R3HDM2: variants seen among roughly 807,000 people sequenced by gnomAD.
R3HDM2 encodes R3H domain-containing protein 2.
A neutral mutation model predicts 124.5 loss-of-function variants in R3HDM2; 38 were observed. The ratio of observed to expected loss-of-function variants is 0.31; its 90% CI spans 0.24 to 0.40. R3HDM2 has a LOEUF of 0.40. R3HDM2 is among the 10% of genes least tolerant of loss of function. The pLI is 1.00. For synonymous variants in R3HDM2, 391 were observed against 448.0 expected, an observed-to-expected ratio of 0.87 and a Z score of 1.61; for missense variants, 869 against 1,236.9, an observed-to-expected ratio of 0.70 and a Z score of 4.46.
chr12:57,276,147 T>C (rs1316847964), intron 14 of R3HDM2, among the ~76,000 whole-genome samples: 1 of 150,688 alleles, frequency 6.6e-6, no homozygotes, highest in East Asian at 2.0e-4. Flanking sequence ...AACCCGGAGC[T>C]TGCAGTGAGT....
intron 14 of R3HDM2, among the ~76,000 whole-genome samples, chr12:57,278,114 T>C (rs1485792662): frequency 6.6e-6 from 1 of 152,158 alleles, no homozygotes; most frequent in African/African-American, 2.4e-5. Context: ...TTGGAGTTAG[T>C]GATCACAATT....
chr12:57,383,084 A>C (rs1329312514), intron 2 of R3HDM2, among the ~76,000 whole-genome samples: 1 of 151,654 alleles, frequency 6.6e-6, no homozygotes, highest in Admixed American at 6.6e-5. Flanking sequence ...TGAACTCCTG[A>C]CCTCAGGTGA....
intron 21 of R3HDM2, among the ~76,000 whole-genome samples, chr12:57,257,220 C>T (rs530580374): frequency 5.3e-5 from 8 of 152,266 alleles, no homozygotes; most frequent in South Asian, 2.1e-4. Context: ...AGAGCATAGT[C>T]GTGGAGCCAG....
intron 2 of R3HDM2, among the ~76,000 whole-genome samples, chr12:57,328,488 G>T (rs558505245): frequency 8.0e-4 from 121 of 151,962 alleles, no homozygotes; most frequent in African/African-American, 2.8e-3. Context: ...CTTGCTGAAG[G>T]CTCAGATGAT....
chr12:57,273,824 G>C (rs2044108471), intron 14 of R3HDM2, among the ~76,000 whole-genome samples: 1 of 152,176 alleles, frequency 6.6e-6, no homozygotes, highest in African/African-American at 2.4e-5. Context: ...CACATCTCCA[G>C]AGTTTCTTTC....
intron 2 of R3HDM2, among the ~76,000 whole-genome samples, chr12:57,387,002 G>C (rs1217078360): frequency 6.6e-6 from 1 of 152,100 alleles, no homozygotes; most frequent in African/African-American, 2.4e-5. Context: ...TCAACACTCT[G>C]TATCTAGCTA....
intron 1 of R3HDM2, 187 bp downstream of exon 1, chr12:57,430,533 C>A: frequency 7.1e-6 from 7 of 985,056 alleles, no homozygotes; most frequent in Non-Finnish European, 8.4e-6. Flanking sequence ...AGCTTCTCTC[C>A]AGCAGCGCAC....
chr12:57,403,733 C>A (rs571321024), intron 1 of R3HDM2, among the ~76,000 whole-genome samples: 88 of 151,284 alleles, frequency 5.8e-4, no homozygotes, highest in Non-Finnish European at 1.2e-3. Context: ...GAGGGAGGAT[C>A]GCCTGAGCCC....
At position 57,254,671 on chromosome 12, in the gene R3HDM2, A is replaced by C; in HGVS notation, c.*102T>G. 9.7e-7 allele frequency: 1 copy of C among 1,033,454 alleles called. No individual in the cohort carries two copies. 64.0% of individuals were successfully genotyped at this position (1,033,454 alleles called of 1,614,324 possible). A position where few individuals can be genotyped will look rare whatever the true frequency, so the allele number is the denominator to read the frequency against. On this transcript the variant is annotated 3_prime_UTR_variant, in exon 24 of 24. Transcript: ENST00000402412. Reference sequence around the variant, plus strand: ...CTGTCTTAGGTTCCAGTTTAACATCAGTTTCCTTACTTCCTGCCTCTGTCC... The same window carrying C: ...CTGTCTTAGGTTCCAGTTTAACATCCGTTTCCTTACTTCCTGCCTCTGTCC...
intron 16 of R3HDM2, 107 bp downstream of exon 16, chr12:57,269,216 A>G (rs1375415216): frequency 6.4e-7 from 1 of 1,551,028 alleles, no homozygotes; most frequent in African/African-American, 1.4e-5. Context: ...GACCCTAATC[A>G]TTCCTGCCCC....
intron 1 of R3HDM2, among the ~76,000 whole-genome samples, chr12:57,416,450 C>T (rs2069612395): frequency 6.6e-6 from 1 of 152,148 alleles, no homozygotes; most frequent in African/African-American, 2.4e-5. Flanking sequence ...GCAACATTAA[C>T]CAAAATACTT....
intron 10 of R3HDM2, 59 bp downstream of exon 10, chr12:57,295,340 C>A: frequency 8.3e-7 from 1 of 1,198,158 alleles, no homozygotes; most frequent in South Asian, 1.3e-5. Context: ...ATTCTTCTCC[C>A]TTCCCAGTTT....
intron 2 of R3HDM2, among the ~76,000 whole-genome samples, chr12:57,311,447 T>G (rs915935654): frequency 3.9e-5 from 6 of 151,966 alleles, no homozygotes; most frequent in Non-Finnish European, 7.4e-5. Flanking sequence ...AGGATGGTCT[T>G]GATCTCCTGA....
chr12:57,377,827 C>A (rs571060912), intron 2 of R3HDM2, among the ~76,000 whole-genome samples: 1 of 152,112 alleles, frequency 6.6e-6, no homozygotes, highest in Non-Finnish European at 1.5e-5. Flanking sequence ...GTGGCTCACA[C>A]CTGTAATCTC....
intron 1 of R3HDM2, among the ~76,000 whole-genome samples, chr12:57,428,689 A>G (rs1868676664): frequency 6.6e-6 from 1 of 152,164 alleles, no homozygotes; most frequent in African/African-American, 2.4e-5. Context: ...TTATTTTGAA[A>G]GAGAAAGGAA....
chr12:57,418,130 C>T, intron 1 of R3HDM2: 2 of 982,978 alleles, frequency 2.0e-6, no homozygotes, highest in Non-Finnish European at 2.4e-6. Flanking sequence ...TAATCCCAAA[C>T]CTACCCTTTT....
chr12:57,373,137 G>C (rs2063574203), intron 2 of R3HDM2, among the ~76,000 whole-genome samples: 3 of 152,210 alleles, frequency 2.0e-5, no homozygotes, highest in African/African-American at 7.2e-5. Flanking sequence ...AGGAGTTTGA[G>C]GCTGCAGTAA....
At chr12:57,426,424 C>T (rs562019197) in intron 1 of R3HDM2, among the ~76,000 whole-genome samples, 64 of 152,212 alleles carry the variant, frequency 4.2e-4, no homozygotes, top group East Asian at 3.3e-3. Context: ...GAAACCTATT[C>T]TTAAAGTTTT....
At position 57,310,397 on chromosome 12, in the gene R3HDM2, A is replaced by C; in HGVS notation, c.32T>G (p.Leu11Arg). ...TTTTTCTGATTCTTTCATTATTTCC[A>C]GGGTCTCTTGAGTAGTGTTACTGTT... MSNSNTTQET[L>R]EIMKESEKKL... Residue 11 changes from leucine (L) to arginine (R), a missense_variant, in exon 3 of 24, where the codon CTG becomes CGG. Physicochemically the swap from Leu to Arg is moderately radical, Grantham distance 102. Transcript: ENST00000402412. 6.5e-7 allele frequency: 1 copy of C among 1,548,238 alleles called. No individual in the cohort carries two copies. The highest frequency in any genetic ancestry group is 8.7e-7 in the Non-Finnish European group (1 of 1,145,436).
Sources: gnomAD v4.1 joint callset for allele counts (sites outside exome capture counted in the v4.1 genomes callset) on GRCh38, gnomAD v4.1.1 for gene constraint, MANE v1.5 for transcripts, NCBI Gene and HGNC (gene_info 2026-07-23, HGNC 2026-07-21) for gene names.